OXR1: variants seen among roughly 807,000 people sequenced by gnomAD.
OXR1 encodes the protein oxidation resistance 1.
In OXR1, 41 loss-of-function variants were observed where a neutral mutation model predicts 104.6. The observed-to-expected ratio is 0.39, with a 90% CI of 0.31 to 0.51. The LOEUF (loss-of-function observed/expected upper bound fraction) is 0.51. Among genes scored for constraint, OXR1 ranks in the 20% least tolerant of loss-of-function variants. The probability of loss-of-function intolerance (pLI) is 0.77; values close to 1 mark genes in which losing one functional copy is unlikely to be tolerated. For synonymous variants in OXR1, 348 were observed against 348.4 expected (o/e 1.00, Z 0.01); for missense variants, 955 against 1,031.9 (o/e 0.93, Z 1.02).
chr8:106,528,356 A>C (rs909941524), intron 3 of OXR1, among the ~76,000 whole-genome samples: 2 of 152,342 alleles, frequency 1.3e-5, no homozygotes, highest in African/African-American at 4.8e-5. Context: ...AAATTCTAAA[A>C]TCCAATGCAA....
chr8:106,290,162 T>C (rs1812688652), intron 1 of OXR1, among the ~76,000 whole-genome samples: 1 of 152,120 alleles, frequency 6.6e-6, no homozygotes, highest in Non-Finnish European at 1.5e-5. Context: ...ACACACTTAA[T>C]CTGATTTTCT....
rs191153171 is a variant in OXR1 at position 106,498,027 on chromosome 8, C to G, written c.24-20916C>G. On this transcript the variant is annotated intron_variant, in intron 2 of 16. Coordinates refer to ENST00000517566, the MANE Select transcript of OXR1 (RefSeq NM_001198533.2). ...TTCAAATGTACTGTCTCATCTCTGACTTTTGTATGTTTGACTTTTGTCTTC... is the reference window on the plus strand; with the variant it reads ...TTCAAATGTACTGTCTCATCTCTGAGTTTTGTATGTTTGACTTTTGTCTTC... 6.0e-5 allele frequency among the ~76,000 whole-genome samples: 9 copies of G among 151,136 alleles called. No individual in the cohort carries two copies. The East Asian group carries it at 1.4e-3, about 23-fold the overall frequency.
In OXR1 at chr8:106,683,381, GT is replaced by G. The variant is rs139409426; in HGVS notation, c.411+77del. The G allele has an allele frequency of 1.5e-3, 937 of 635,878 alleles. 3 individuals carry two copies. In the African/African-American group the frequency reaches 0.016, roughly 11 times the overall value. 39.4% of individuals were successfully genotyped at this position (635,878 alleles called of 1,614,324 possible). Reference sequence around the variant, plus strand: ...GGCAGAAAGTATTTATTGTACTGTAGTTAATAATATAGAAAATTTGAGAATA... The same window carrying G: ...GGCAGAAAGTATTTATTGTACTGTAGTAATAATATAGAAAATTTGAGAATA... On this transcript the variant is annotated intron_variant, in intron 5 of 16. Coordinates refer to ENST00000517566, the MANE Select transcript of OXR1 (RefSeq NM_001198533.2).
At position 106,409,787 on chromosome 8, in the gene OXR1, A is replaced by C. The variant is rs538934181; in HGVS notation, c.23+50151A>C. ...TTGACTTTCTTTTCTGGAGTACATA[A>C]AAATAAGTACATATGGCCTTTAAAA... On this transcript the variant is annotated intron_variant, in intron 2 of 16. Coordinates refer to ENST00000517566, the MANE Select transcript of OXR1 (RefSeq NM_001198533.2). Among the ~76,000 whole-genome samples the C allele has an allele frequency of 2.2e-3, 336 of 152,314 alleles. 1 individual carries two copies. The highest frequency in any genetic ancestry group is 3.7e-3 in the Non-Finnish European group (255 of 68,030).
chr8:106,634,017 G>C (rs1341443648), intron 3 of OXR1, among the ~76,000 whole-genome samples: 1 of 151,986 alleles, frequency 6.6e-6, no homozygotes, highest in Admixed American at 6.6e-5. Context: ...AATCTCCCTT[G>C]GTTTTCTAAT....
chr8:106,393,579 A>G (rs1488088216), intron 2 of OXR1, among the ~76,000 whole-genome samples: 1 of 152,144 alleles, frequency 6.6e-6, no homozygotes, highest in African/African-American at 2.4e-5. Flanking sequence ...CTTAAATGCT[A>G]TTAAAATAAT....
intron 2 of OXR1, among the ~76,000 whole-genome samples, chr8:106,438,099 T>C (rs569283155): frequency 6.6e-6 from 1 of 152,266 alleles, no homozygotes; most frequent in South Asian, 2.1e-4. Flanking sequence ...AGTGCAGATC[T>C]TTAGGGACTG....
intron 2 of OXR1, among the ~76,000 whole-genome samples, chr8:106,406,395 G>A (rs1007137043): frequency 6.6e-6 from 1 of 151,998 alleles, no homozygotes; most frequent in African/African-American, 2.4e-5. Context: ...CTGTCTCCCT[G>A]CAAATACCTG....
At chr8:106,434,808 T>C (rs1345298169) in intron 2 of OXR1, among the ~76,000 whole-genome samples, 1 of 152,216 alleles carries the variant, frequency 6.6e-6, no homozygotes, top group Non-Finnish European at 1.5e-5. Context: ...TAGTGCCTAC[T>C]AGGAATCAGA....
chr8:106,612,764 T>C (rs1820911522), intron 3 of OXR1, among the ~76,000 whole-genome samples: 1 of 152,188 alleles, frequency 6.6e-6, no homozygotes, highest in Non-Finnish European at 1.5e-5. Flanking sequence ...TTTATTACAT[T>C]CCAAGTACTA....
chr8:106,626,557 A>T lies in OXR1; in HGVS notation c.221-52653A>T, dbSNP rs996586561. ...CTGAATTATTAAATCCATGTTGTAA[A>T]TTTTTTTTTACCTTAAAAGTAGCTC... On this transcript the variant is annotated intron_variant, in intron 3 of 16. Transcript: ENST00000517566. Among the ~76,000 whole-genome samples the T allele has an allele frequency of 3.5e-5, 5 of 142,366 alleles. No homozygotes were observed. In the East Asian group the frequency reaches 6.1e-4, roughly 17 times the overall value. The allele number at this position is 142,366 out of a possible 152,430, so 93.4% of individuals were successfully genotyped here. A position where few individuals can be genotyped will look rare whatever the true frequency, so the allele number is the denominator to read the frequency against.
At chr8:106,697,573 T>A in intron 7 of OXR1, 1 of 1,611,378 alleles carries the variant, frequency 6.2e-7, no homozygotes, top group South Asian at 1.1e-5. Context: ...CCAGTTGGGA[T>A]CCCCAGAGAA....
At chr8:106,697,134 C>G (rs1371172098) in intron 7 of OXR1, among the ~76,000 whole-genome samples, 1 of 152,182 alleles carries the variant, frequency 6.6e-6, no homozygotes, top group African/African-American at 2.4e-5. Context: ...AGAGACAGAA[C>G]AGGCCAGGGC....
At chr8:106,472,717 T>C (rs1307709621) in intron 2 of OXR1, among the ~76,000 whole-genome samples, 1 of 151,860 alleles carries the variant, frequency 6.6e-6, no homozygotes, top group Non-Finnish European at 1.5e-5. Flanking sequence ...TCTTTTTTCT[T>C]TCTAATGTTA....
chr8:106,298,740 AG>A (rs745621467), intron 1 of OXR1, among the ~76,000 whole-genome samples: 6 of 127,366 alleles, frequency 4.7e-5, no homozygotes, highest in African/African-American at 1.4e-4. Context: ...AACTTTCTGG[AG>A]GAAAAAAAAC....
chr8:106,586,899 G>C (rs536451638), intron 3 of OXR1, among the ~76,000 whole-genome samples: 2 of 152,222 alleles, frequency 1.3e-5, no homozygotes, highest in East Asian at 3.9e-4. Context: ...TGGGTCTCTA[G>C]GCCCACTTAG....
intron 2 of OXR1, among the ~76,000 whole-genome samples, chr8:106,504,268 C>A (rs1337734679): frequency 1.3e-5 from 2 of 152,158 alleles, no homozygotes; most frequent in African/African-American, 2.4e-5. Flanking sequence ...TTTTACTACA[C>A]TCACAGTTAA....
intron 2 of OXR1, among the ~76,000 whole-genome samples, chr8:106,387,305 T>C (rs781057276): frequency 6.6e-6 from 1 of 152,212 alleles, no homozygotes; most frequent in Non-Finnish European, 1.5e-5. Flanking sequence ...AGTTGTTTGT[T>C]AGTGGAAAAA....
At position 106,727,687 on chromosome 8, in the gene OXR1, A is replaced by C. The variant is rs189806475; in HGVS notation, c.1957-9833A>C. Among the ~76,000 whole-genome samples, 243 of 152,198 alleles carry C rather than the reference A, an allele frequency of 1.6e-3. 2 individuals are homozygous for C. The highest frequency in any genetic ancestry group is 5.6e-3 in the African/African-American group (234 of 41,536). ...AGATCTACCTGCCTTGGCCTCCCAT[A>C]GTGTTAGGATTCCAGGCCACTGCGC... On this transcript the variant is annotated intron_variant, in intron 11 of 16. Transcript: ENST00000517566.
Sources: gnomAD v4.1 joint callset for allele counts (sites outside exome capture counted in the v4.1 genomes callset) on GRCh38, gnomAD v4.1.1 for gene constraint, MANE v1.5 for transcripts, NCBI Gene and HGNC (gene_info 2026-07-23, HGNC 2026-07-21) for gene names.